The following MINPP1 variants were observed in gnomAD, a reference collection of about 807,000 sequenced individuals.
MINPP1 encodes multiple inositol polyphosphate phosphatase 1.
A neutral mutation model predicts 46.1 loss-of-function variants in MINPP1; 28 were observed. That is an observed-to-expected ratio of 0.61 (90% CI 0.45 to 0.83). MINPP1 has a LOEUF of 0.83. Ranked by LOEUF, MINPP1 falls within the 40% of genes least tolerant of loss-of-function variation. The pLI is 0.00. For synonymous variants in MINPP1, 268 were observed against 249.1 expected, an observed-to-expected ratio of 1.08 and a Z score of -0.72; for missense variants, 603 against 610.0, an observed-to-expected ratio of 0.99 and a Z score of 0.12.
At position 87,552,289 on chromosome 10, in the gene MINPP1, T is replaced by C. The variant is rs2233169; in HGVS notation, c.1275T>C (p.Ala425=). 5.9e-3 allele frequency: 9,541 copies of C among 1,613,832 alleles called. 328 individuals carry two copies. In the African/African-American group the frequency reaches 0.088, roughly 15 times the overall value. ...LIFVLYHCEN[A]KTPKEQFRVQ... is the part of the protein sequence containing the mutation. ...TTGTGCTTTACCACTGTGAAAATGCTAAGACTCCTAAAGAACAATTCCGAG... is the reference window on the plus strand; with the variant it reads ...TTGTGCTTTACCACTGTGAAAATGCCAAGACTCCTAAAGAACAATTCCGAG... Residue 425 remains alanine, a synonymous_variant, in exon 5 of 5, where the codon GCT becomes GCC. Transcript: ENST00000371996.
rs1401003347 is a variant in MINPP1, at chr10:87,505,887, GC to G, written c.637+339del. ...TGCGCTCCCGTTCCCAAACTGAATT[GC>G]CCCTTCGAGCGCCAACCCATCCCTT... On this transcript the variant is annotated intron_variant, in intron 1 of 4. Transcript: ENST00000371996. The surrounding 1 kb of genome is among the most constrained non-coding windows in gnomAD (Gnocchi z 4.4). 6.6e-6 allele frequency among the ~76,000 whole-genome samples: 1 copy of G among 152,114 alleles called. No homozygotes were observed. The highest frequency in any genetic ancestry group is 2.4e-5 in the African/African-American group (1 of 41,402).
At chr10:87,508,174 A>G (rs1239618567) in intron 1 of MINPP1, 162 bp from the exon 2 acceptor site, 15 of 1,544,136 alleles carry the variant, frequency 9.7e-6, no homozygotes, top group Non-Finnish European at 1.2e-5. Flanking sequence ...TAAATGGGGA[A>G]TAATTTTACC....
At chr10:87,530,585 G>C (rs944686869) in intron 4 of MINPP1, among the ~76,000 whole-genome samples, 1 of 152,172 alleles carries the variant, frequency 6.6e-6, no homozygotes, top group South Asian at 2.1e-4. Context: ...CTTCGTCTCA[G>C]AGGGGATGGG....
intron 4 of MINPP1, among the ~76,000 whole-genome samples, chr10:87,529,196 T>G (rs1415767120): frequency 3.3e-5 from 5 of 152,228 alleles, no homozygotes; most frequent in Non-Finnish European, 5.9e-5. Flanking sequence ...ATTGGAGCAT[T>G]TAGCCCATTT....
At chr10:87,540,445 CTCTG>C (rs1851797397) in intron 4 of MINPP1, among the ~76,000 whole-genome samples, 1 of 151,862 alleles carries the variant, frequency 6.6e-6, no homozygotes, top group South Asian at 2.1e-4. Flanking sequence ...TCTTTCTCCT[CTCTG>C]TCAGTCTCTC....
chr10:87,552,468 A>G lies in MINPP1; in HGVS notation c.1454A>G (p.Asp485Gly). The change falls in exon 5 of 5, where the codon GAT (aspartate) becomes GGT (glycine). Residue 485 changes from aspartate (D) to glycine (G), a missense_variant. Transcript: ENST00000371996. ...TTAGCAAGGGCTAACAGTACATCTGATGAACTATGAGTAACTGAAGAACAT... is the reference window on the plus strand; with the variant it reads ...TTAGCAAGGGCTAACAGTACATCTGGTGAACTATGAGTAACTGAAGAACAT... Reference protein sequence around the residue: ...CELARANSTSDEL With the variant: ...CELARANSTSGEL 6.2e-7 allele frequency: 1 copy of G among 1,612,498 alleles called. No homozygotes were observed.
intron 1 of MINPP1, among the ~76,000 whole-genome samples, chr10:87,506,505 G>A (rs554441918): frequency 7.2e-5 from 11 of 152,238 alleles, no homozygotes; most frequent in African/African-American, 2.4e-4. Flanking sequence ...TTATCTCAAA[G>A]ATGAGGAAAT....
intron 2 of MINPP1, among the ~76,000 whole-genome samples, chr10:87,508,852 C>T (rs1249064579): frequency 6.6e-6 from 1 of 151,756 alleles, no homozygotes; most frequent in African/African-American, 2.4e-5. Context: ...GAATTTCCCC[C>T]TGATAAAGTG....
At chr10:87,529,411 C>T (rs1281355732) in intron 4 of MINPP1, among the ~76,000 whole-genome samples, 1 of 152,158 alleles carries the variant, frequency 6.6e-6, no homozygotes, top group Admixed American at 6.5e-5. Context: ...CTGGTGGTGA[C>T]AAAATCTTTC....
rs1243160841 is a variant in MINPP1 at position 87,505,631 on chromosome 10, G to A, written c.637+79G>A. 7.2e-7 allele frequency: 1 copy of A among 1,391,528 alleles called. No individual in the cohort carries two copies. Among genetic ancestry groups the A allele is most frequent in the Admixed American group, 2.1e-5 (1 of 48,244 alleles). The allele number at this position is 1,391,528 out of a possible 1,614,324, so 86.2% of individuals were successfully genotyped here. On this transcript the variant is annotated intron_variant, in intron 1 of 4. Transcript: ENST00000371996. The surrounding 1 kb of genome is among the most constrained non-coding windows in gnomAD (Gnocchi z 4.4). ...GCTCTCCCGCCTCCCCCAGACCCTG[G>A]GCTTTTCCGATGCCCCCCAGTTCTC...
intron 1 of MINPP1, among the ~76,000 whole-genome samples, chr10:87,506,865 T>C (rs774619227): frequency 3.9e-5 from 6 of 152,236 alleles, no homozygotes; most frequent in Non-Finnish European, 8.8e-5. Context: ...CATGTTATTG[T>C]GGGTAATTCA....
intron 4 of MINPP1, among the ~76,000 whole-genome samples, chr10:87,540,442 CCT>C (rs1010408340): frequency 6.6e-6 from 1 of 151,914 alleles, no homozygotes; most frequent in Non-Finnish European, 1.5e-5. Flanking sequence ...CTCTCTTTCT[CCT>C]CTCTGTCAGT....
Position 87,504,896 on chromosome 10 carries a change from C to T in MINPP1, c.-20C>T. 4.4e-6 allele frequency: 7 copies of T among 1,607,206 alleles called. No individual in the cohort carries two copies. The highest frequency in any genetic ancestry group is 5.9e-6 in the Non-Finnish European group (7 of 1,178,394). ...GGGCATCTGCAGCTGGCTCGGCGCACTCCACTGACCGTCCCGACGATGCTA... is the reference window on the plus strand; with the variant it reads ...GGGCATCTGCAGCTGGCTCGGCGCATTCCACTGACCGTCCCGACGATGCTA... On this transcript the variant is annotated 5_prime_UTR_variant, in exon 1 of 5. Transcript: ENST00000371996.
chr10:87,540,783 AT>A (rs1404167275), intron 4 of MINPP1, among the ~76,000 whole-genome samples: 1 of 152,218 alleles, frequency 6.6e-6, no homozygotes, highest in Non-Finnish European at 1.5e-5. Context: ...CTCTTTTAAG[AT>A]TAACTCTAAA....
intron 3 of MINPP1, 23 bp downstream of exon 3, chr10:87,513,244 C>T: frequency 6.3e-7 from 1 of 1,594,688 alleles, no homozygotes; most frequent in Non-Finnish European, 8.6e-7. Context: ...TTTGCAGTTT[C>T]TTTGCTTTTT....
intron 4 of MINPP1, among the ~76,000 whole-genome samples, chr10:87,549,383 A>G (rs1289690437): frequency 6.6e-6 from 1 of 151,956 alleles, no homozygotes; most frequent in East Asian, 1.9e-4. Context: ...CCTATTTGCT[A>G]TTTATTTGAT....
intron 4 of MINPP1, among the ~76,000 whole-genome samples, chr10:87,532,502 T>G (rs1371355898): frequency 6.6e-6 from 1 of 152,266 alleles, no homozygotes; most frequent in Admixed American, 6.5e-5. Flanking sequence ...TTGTTCTAAC[T>G]GAAGAAGGAA....
chr10:87,509,613 C>T, intron 2 of MINPP1: 1 of 211,146 alleles, frequency 4.7e-6, no homozygotes. Flanking sequence ...TTTCCTGGAT[C>T]CCATTCTTCT....
chr10:87,525,824 C>G (rs932564282), intron 4 of MINPP1, among the ~76,000 whole-genome samples: 1 of 152,160 alleles, frequency 6.6e-6, no homozygotes, highest in African/African-American at 2.4e-5. Flanking sequence ...TCTGTCCTTG[C>G]GATAGTTTGC....
Sources: gnomAD v4.1 joint callset for allele counts (sites outside exome capture counted in the v4.1 genomes callset) on GRCh38, gnomAD v4.1.1 for gene constraint, Gnocchi (gnomAD v3.1) non-coding constraint, MANE v1.5 for transcripts, NCBI Gene and HGNC (gene_info 2026-07-23, HGNC 2026-07-21) for gene names.